Variants in SESN2 observed in about 807,000 individuals in gnomAD.
SESN2 encodes sestrin-2.
In SESN2, 42 loss-of-function variants were observed where a neutral mutation model predicts 56.0. The observed-to-expected ratio is 0.75, with a 90% CI of 0.59 to 0.97. SESN2 has a LOEUF of 0.97. Ranked by LOEUF, SESN2 falls within the 50% of genes least tolerant of loss-of-function variation. The pLI, the probability that SESN2 is intolerant of heterozygous loss-of-function variation, is 0.00. For synonymous variants in SESN2, 264 were observed against 267.1 expected (o/e 0.99, Z 0.11); for missense variants, 507 against 649.4 (o/e 0.78, Z 2.38).
intron 2 of SESN2, 123 bp downstream of exon 2, chr1:28,269,371 G>C (rs1186590937): frequency 1.8e-6 from 1 of 567,944 alleles, no homozygotes; most frequent in African/African-American, 1.9e-5. Context: ...TCTGATTTCT[G>C]ATTCATTTAA....
chr1:28,275,059 T>C (rs749674375), intron 8 of SESN2, 44 bp downstream of exon 8: 2 of 1,399,108 alleles, frequency 1.4e-6, no homozygotes, highest in African/African-American at 2.8e-5. Flanking sequence ...GCACTGTAAG[T>C]CTTCACTCTG....
In SESN2 at chr1:28,275,026, A is replaced by G. The variant is rs1314684038; in HGVS notation, c.1211+11A>G. 2.5e-6 allele frequency: 4 copies of G among 1,598,342 alleles called. No individual in the cohort carries two copies. Among genetic ancestry groups the G allele is most frequent in the Non-Finnish European group, 3.4e-6 (4 of 1,167,654 alleles). ...CGTCTTTGGCATCAGGTGAGCTCAT[A>G]TCCCTTCATTTGGGGCATGTGTGCA... On this transcript the variant is annotated intron_variant, in intron 8 of 9. Transcript: ENST00000253063.
intron 9 of SESN2, 39 bp from the exon 10 acceptor site, chr1:28,280,677 G>A: frequency 6.6e-7 from 1 of 1,513,644 alleles, no homozygotes; most frequent in South Asian, 1.1e-5. Flanking sequence ...GGGGTGAGGA[G>A]TGACATCAGT....
At chr1:28,279,476 C>G (rs1303057197) in intron 9 of SESN2, among the ~76,000 whole-genome samples, 1 of 152,030 alleles carries the variant, frequency 6.6e-6, no homozygotes, top group Non-Finnish European at 1.5e-5. Context: ...CTTGGTGGAC[C>G]TGGGTTCAAA....
chr1:28,277,361 G>A (rs191016401), intron 8 of SESN2, among the ~76,000 whole-genome samples: 2 of 151,570 alleles, frequency 1.3e-5, no homozygotes, highest in African/African-American at 2.4e-5. Flanking sequence ...AACTATAGGT[G>A]GGTGCCACCA....
intron 1 of SESN2, among the ~76,000 whole-genome samples, chr1:28,262,594 C>A (rs1352515317): frequency 3.9e-5 from 5 of 128,878 alleles, no homozygotes; most frequent in Non-Finnish European, 6.2e-5. Context: ...TGCACTCCAG[C>A]CTGGGTGACA....
At chr1:28,274,232 T>A in intron 7 of SESN2, 74 bp downstream of exon 7, 1 of 1,006,110 alleles carries the variant, frequency 9.9e-7, no homozygotes, top group Non-Finnish European at 1.6e-6. Flanking sequence ...GTTTGAGTAG[T>A]TACAGAGTTA....
rs1648221770 is a variant in SESN2 at position 28,281,018 on chromosome 1, G to C, written c.*216G>C. Reference sequence around the variant, plus strand: ...ATCTCAGCCCTGCTCCTGGGAGCTGGAAGAGCACTTGGAGATCCTAAGGGA... The same window carrying C: ...ATCTCAGCCCTGCTCCTGGGAGCTGCAAGAGCACTTGGAGATCCTAAGGGA... On this transcript the variant is annotated 3_prime_UTR_variant, in exon 10 of 10. Coordinates refer to ENST00000253063, the MANE Select transcript of SESN2 (RefSeq NM_031459.5). 1.9e-6 allele frequency: 1 copy of C among 526,524 alleles called. No individual in the cohort carries two copies. The highest frequency in any genetic ancestry group is 3.3e-5 in the Admixed American group (1 of 30,674). 32.6% of individuals were successfully genotyped at this position (526,524 alleles called of 1,614,324 possible). A position where few individuals can be genotyped will look rare whatever the true frequency, so the allele number is the denominator to read the frequency against.
chr1:28,280,659 G>A (rs1648206494), intron 9 of SESN2, 57 bp from the exon 10 acceptor site: 4 of 1,344,190 alleles, frequency 3.0e-6, no homozygotes, highest in Non-Finnish European at 4.3e-6. Flanking sequence ...CAGTCTGGGA[G>A]GGGTGTGGGG....
intron 3 of SESN2, 93 bp downstream of exon 3, chr1:28,271,964 A>G (rs569474186): frequency 2.2e-5 from 27 of 1,247,182 alleles, no homozygotes; most frequent in Non-Finnish European, 2.8e-5. Flanking sequence ...AGCTGATTCC[A>G]TAGACAAGCA....
At chr1:28,274,283 G>A (rs1000454851) in intron 7 of SESN2, 125 bp downstream of exon 7, 4 of 695,182 alleles carry the variant, frequency 5.8e-6, no homozygotes, top group African/African-American at 1.8e-5. Context: ...TGTAATCCCA[G>A]CACTTTGGGA....
chr1:28,280,508 T>C (rs1648194929), intron 9 of SESN2, among the ~76,000 whole-genome samples: 1 of 152,196 alleles, frequency 6.6e-6, no homozygotes, highest in Admixed American at 6.5e-5. Context: ...ACCTGGCCAT[T>C]TTACCTTTAG....
chr1:28,271,335 C>T (rs1329159857), intron 2 of SESN2, among the ~76,000 whole-genome samples: 2 of 152,198 alleles, frequency 1.3e-5, no homozygotes, highest in Non-Finnish European at 2.9e-5. Flanking sequence ...AGAAACTGTA[C>T]TTTTACTCTC....
At chr1:28,277,319 GATCCTTCTGCCTC>G (rs1490584761) in intron 8 of SESN2, among the ~76,000 whole-genome samples, 4 of 151,500 alleles carry the variant, frequency 2.6e-5, no homozygotes, top group East Asian at 3.9e-4. Context: ...CCTTCTGCCT[GATCCTTCTGCCTC>G]ATCCTTCTTA....
At chr1:28,264,948 G>A (rs945724460) in intron 1 of SESN2, among the ~76,000 whole-genome samples, 1 of 152,212 alleles carries the variant, frequency 6.6e-6, no homozygotes, top group Admixed American at 6.5e-5. Flanking sequence ...GAGACCTTGA[G>A]AAGTTTAGAG....
intron 2 of SESN2, among the ~76,000 whole-genome samples, 190 bp from the exon 3 acceptor site, chr1:28,271,484 T>G (rs1036439990): frequency 4.6e-5 from 7 of 152,224 alleles, no homozygotes; most frequent in African/African-American, 1.7e-4. Flanking sequence ...CTGGCCATTA[T>G]TATATAAGGT....
rs1648241379 is a variant in SESN2 at position 28,281,509 on chromosome 1, T to C, written c.*707T>C. Reference sequence around the variant, plus strand: ...TTGAGCCTTTGCTGGTCACATTGCCTTCTGAAGAGGAGGGAGTATTAGATT... The same window carrying C: ...TTGAGCCTTTGCTGGTCACATTGCCCTCTGAAGAGGAGGGAGTATTAGATT... On this transcript the variant is annotated 3_prime_UTR_variant, in exon 10 of 10. Transcript: ENST00000253063. 1 of 152,026 alleles carries C rather than the reference T, an allele frequency of 6.6e-6. No homozygotes were observed. Among genetic ancestry groups the C allele is most frequent in the South Asian group, 2.1e-4 (1 of 4,824 alleles). 9.4% of individuals were successfully genotyped at this position (152,026 alleles called of 1,614,324 possible).
intron 1 of SESN2, among the ~76,000 whole-genome samples, chr1:28,260,601 G>C (rs1168509503): frequency 6.6e-6 from 1 of 152,212 alleles, no homozygotes; most frequent in Non-Finnish European, 1.5e-5. Context: ...GGCTTCCGAA[G>C]CCAAGCGCGG....
intron 2 of SESN2, among the ~76,000 whole-genome samples, chr1:28,270,327 C>T (rs564674495): frequency 1.3e-5 from 2 of 149,326 alleles, no homozygotes; most frequent in East Asian, 2.0e-4. Flanking sequence ...CTCCAGCTTG[C>T]GTGACAGAGT....
Sources: allele counts gnomAD v4.1 joint callset (sites outside exome capture counted in the v4.1 genomes callset), GRCh38; gene constraint gnomAD v4.1.1; transcripts MANE v1.5; gene names NCBI Gene and HGNC (gene_info 2026-07-23, HGNC 2026-07-21).